Variants in PRKG1 observed in about 807,000 individuals in gnomAD.
PRKG1 encodes cGMP-dependent protein kinase 1.
PRKG1 carries 35 observed loss-of-function variants against 88.1 expected under a neutral mutation model. The observed-to-expected ratio is 0.40, with a 90% confidence interval of 0.30 to 0.53. The LOEUF (loss-of-function observed/expected upper bound fraction) is 0.53. PRKG1 is among the 20% of genes least tolerant of loss of function. The pLI is 0.59. For missense variants in PRKG1, 540 were observed against 839.8 expected (o/e 0.64, Z 4.41); for synonymous variants, 303 against 292.5 (o/e 1.04, Z -0.37).
intron 2 of PRKG1, among the ~76,000 whole-genome samples, chr10:51,353,496 A>C (rs1842297059): frequency 6.6e-6 from 1 of 152,200 alleles, no homozygotes; most frequent in African/African-American, 2.4e-5. Flanking sequence ...AAAGATCTGA[A>C]TAGACATTTG....
intron 1 of PRKG1, among the ~76,000 whole-genome samples, chr10:51,111,515 G>C (rs1209734809): frequency 6.6e-6 from 1 of 152,098 alleles, no homozygotes; most frequent in Admixed American, 6.6e-5. Flanking sequence ...AGACAAGGTA[G>C]GGGAAGCTAA....
At chr10:51,645,008 G>A (rs1839882568) in intron 3 of PRKG1, among the ~76,000 whole-genome samples, 2 of 152,032 alleles carry the variant, frequency 1.3e-5, no homozygotes, top group Admixed American at 6.6e-5. Context: ...GGCTGGTCTC[G>A]AACTCCTAAC....
At chr10:51,515,645 A>G (rs992041048) in intron 3 of PRKG1, among the ~76,000 whole-genome samples, 3 of 152,056 alleles carry the variant, frequency 2.0e-5, no homozygotes, top group African/African-American at 7.2e-5. Flanking sequence ...TAATATTGCC[A>G]TTTTTCGTCA....
At chr10:52,122,285 C>A (rs1847838023) in intron 7 of PRKG1, among the ~76,000 whole-genome samples, 1 of 152,234 alleles carries the variant, frequency 6.6e-6, no homozygotes, top group Admixed American at 6.5e-5. Flanking sequence ...TTAATCCATT[C>A]ATGAGGGCAA....
intron 2 of PRKG1, among the ~76,000 whole-genome samples, chr10:51,276,488 G>C (rs1043795896): frequency 1.3e-5 from 2 of 152,148 alleles, no homozygotes; most frequent in African/African-American, 2.4e-5. Context: ...CCAGTAATGG[G>C]ATGGCTGGGT....
chr10:52,062,184 T>C (rs1270352089), intron 6 of PRKG1, among the ~76,000 whole-genome samples: 1 of 152,120 alleles, frequency 6.6e-6, no homozygotes, highest in Non-Finnish European at 1.5e-5. Flanking sequence ...TAAAAATTCA[T>C]GTACATAAAC....
chr10:51,628,421 C>T (rs1420294548), intron 3 of PRKG1, among the ~76,000 whole-genome samples: 1 of 151,716 alleles, frequency 6.6e-6, no homozygotes, highest in Non-Finnish European at 1.5e-5. Flanking sequence ...CCTCGCCCTC[C>T]CAAACTGCTG....
chr10:51,635,018 A>C (rs551907211), intron 3 of PRKG1, among the ~76,000 whole-genome samples: 1 of 152,246 alleles, frequency 6.6e-6, no homozygotes, highest in South Asian at 2.1e-4. Context: ...TGACAAAATA[A>C]TATGCACACC....
At chr10:52,062,715 G>C in intron 7 of PRKG1, 84 bp downstream of exon 7, 2 of 980,092 alleles carry the variant, frequency 2.0e-6, no homozygotes, top group Non-Finnish European at 3.2e-6. Context: ...AGCACAATAG[G>C]CTTTTTATTT....
chr10:51,460,348 C>T (rs751877155), intron 2 of PRKG1, among the ~76,000 whole-genome samples: 2 of 152,048 alleles, frequency 1.3e-5, no homozygotes, highest in Non-Finnish European at 2.9e-5. Context: ...TAAGCAATTA[C>T]GGAAATAGCC....
intron 2 of PRKG1, among the ~76,000 whole-genome samples, chr10:51,350,700 A>G (rs552493396): frequency 6.6e-6 from 1 of 152,210 alleles, no homozygotes; most frequent in Admixed American, 6.5e-5. Context: ...CAAGAAAACT[A>G]TTGGAACTGA....
At chr10:52,032,914 G>C (rs772219290) in intron 5 of PRKG1, among the ~76,000 whole-genome samples, 1 of 152,302 alleles carries the variant, frequency 6.6e-6, no homozygotes, top group Middle Eastern at 3.4e-3. Flanking sequence ...ACATCCTAAT[G>C]TAGTCTAGGT....
In PRKG1 at chr10:51,797,015, A is replaced by G. The variant is rs367964752; in HGVS notation, c.593-7570A>G. Among the ~76,000 whole-genome samples, 4 of 151,954 alleles carry G rather than the reference A, an allele frequency of 2.6e-5. No homozygotes were observed. In the South Asian group the frequency reaches 6.2e-4, roughly 24 times the overall value. Reference sequence around the variant, plus strand: ...AGTTTTAGAAGACAAATAGGTGGAAAGTCATTCTAGGTTGAGGACCTATTA... The same window carrying G: ...AGTTTTAGAAGACAAATAGGTGGAAGGTCATTCTAGGTTGAGGACCTATTA... On this transcript the variant is annotated intron_variant, in intron 3 of 17. Coordinates refer to ENST00000373980, the MANE Select transcript of PRKG1 (RefSeq NM_006258.4).
intron 3 of PRKG1, among the ~76,000 whole-genome samples, chr10:51,487,662 ATT>A (rs1840588389): frequency 7.9e-4 from 2 of 2,526 alleles, no homozygotes; most frequent in African/African-American, 3.8e-3. Flanking sequence ...GGGCCAAACA[ATT>A]ATTAAGAATA....
At chr10:51,159,107 G>C (rs1219784999) in intron 2 of PRKG1, among the ~76,000 whole-genome samples, 1 of 151,972 alleles carries the variant, frequency 6.6e-6, no homozygotes, top group Non-Finnish European at 1.5e-5. Flanking sequence ...AACTTATACC[G>C]CTTCAAACTA....
intron 3 of PRKG1, among the ~76,000 whole-genome samples, chr10:51,632,853 G>A (rs954969971): frequency 6.6e-6 from 1 of 152,286 alleles, no homozygotes; most frequent in South Asian, 2.1e-4. Context: ...AAAGACAGAG[G>A]AGTAAATGTT....
intron 3 of PRKG1, among the ~76,000 whole-genome samples, chr10:51,478,685 C>T (rs929520955): frequency 6.0e-5 from 9 of 150,954 alleles, no homozygotes; most frequent in African/African-American, 1.9e-4. Flanking sequence ...GTCTCTGACA[C>T]ACAACCAATA....
chr10:51,151,130 C>A (rs1463993058), intron 1 of PRKG1, among the ~76,000 whole-genome samples: 173 of 119,484 alleles, frequency 1.4e-3, no homozygotes, highest in South Asian at 1.9e-3. Flanking sequence ...CACTCTCTGA[C>A]AAAAAAAAAA....
intron 3 of PRKG1, among the ~76,000 whole-genome samples, chr10:51,784,898 T>C (rs1275545913): frequency 6.6e-6 from 1 of 152,094 alleles, no homozygotes. Flanking sequence ...CCAAGTGTAT[T>C]ATTAATGGAA....
Sources: gnomAD v4.1 joint callset for allele counts (sites outside exome capture counted in the v4.1 genomes callset) on GRCh38, gnomAD v4.1.1 for gene constraint, MANE v1.5 for transcripts, NCBI Gene and HGNC (gene_info 2026-07-23, HGNC 2026-07-21) for gene names.